The following TSPAN9 variants were observed in gnomAD, a reference collection of about 807,000 sequenced individuals.
TSPAN9 encodes tetraspanin-9.
TSPAN9 carries 16 observed loss-of-function variants against 31.0 expected under a neutral mutation model. The ratio of observed to expected loss-of-function variants is 0.52; its 90% CI spans 0.35 to 0.78. TSPAN9 has a LOEUF of 0.78. TSPAN9 is among the 30% of genes least tolerant of loss of function. The probability of loss-of-function intolerance (pLI) is 0.01; values close to 1 mark genes in which losing one functional copy is unlikely to be tolerated. For synonymous variants in TSPAN9, 145 were observed against 121.6 expected, an observed-to-expected ratio of 1.19 and a Z score of -1.27; for missense variants, 272 against 312.5, an observed-to-expected ratio of 0.87 and a Z score of 0.98.
chr12:3,167,275 G>A (rs578162580), intron 2 of TSPAN9, among the ~76,000 whole-genome samples: 1 of 152,344 alleles, frequency 6.6e-6, no homozygotes, highest in East Asian at 1.9e-4. Flanking sequence ...CTGATGGCCA[G>A]TGAAGATGAG....
At chr12:3,227,273 C>T (rs971155105) in intron 3 of TSPAN9, among the ~76,000 whole-genome samples, 1 of 152,212 alleles carries the variant, frequency 6.6e-6, no homozygotes, top group South Asian at 2.1e-4. Flanking sequence ...CAGAAGTCAT[C>T]GGCTGTACAT....
chr12:3,089,399 C>T (rs547220257), intron 2 of TSPAN9, among the ~76,000 whole-genome samples: 107 of 147,612 alleles, frequency 7.2e-4, no homozygotes, highest in East Asian at 3.2e-3. Context: ...CTAGTTCAAG[C>T]GATTCTCCTG....
chr12:3,180,255 A>C (rs186077184), intron 2 of TSPAN9, among the ~76,000 whole-genome samples: 19 of 152,286 alleles, frequency 1.2e-4, no homozygotes, highest in Admixed American at 3.3e-4. Context: ...AGTGGCTCAC[A>C]CTTGTAATCC....
chr12:3,111,051 A>G (rs1380262965), intron 2 of TSPAN9, among the ~76,000 whole-genome samples: 1 of 152,186 alleles, frequency 6.6e-6, no homozygotes, highest in East Asian at 1.9e-4. Flanking sequence ...AAGTGGTTGG[A>G]CCGGCTGCAT....
At chr12:3,197,164 C>T (rs2098367444) in intron 2 of TSPAN9, among the ~76,000 whole-genome samples, 1 of 152,220 alleles carries the variant, frequency 6.6e-6, no homozygotes, top group Non-Finnish European at 1.5e-5. Flanking sequence ...AGCAAACTGC[C>T]TTGCCCTTGA....
Position 3,268,276 on chromosome 12 carries a change from C to CTGTTCCTGCAGCCTGCCCCCTCTG in TSPAN9, c.64-10126_64-10103dup, listed in dbSNP as rs1401480512. Among the ~76,000 whole-genome samples the CTGTTCCTGCAGCCTGCCCCCTCTG allele has an allele frequency of 9.5e-5, 12 of 126,280 alleles. 1 individual carries two copies. The highest frequency in any genetic ancestry group is 1.6e-4 in the Admixed American group (2 of 12,630). The allele number at this position is 126,280 out of a possible 152,430, so 82.8% of individuals were successfully genotyped here. ...TGTGCATTCCTGCAGCCTGCCCTCT[C>CTGTTCCTGCAGCCTGCCCCCTCTG]TGTTCCTGCAGCCTGCCCCCTCTGT... On this transcript the variant is annotated intron_variant, in intron 3 of 8. Transcript: ENST00000011898.
intron 2 of TSPAN9, among the ~76,000 whole-genome samples, chr12:3,171,195 T>C (rs963982006): frequency 1.8e-4 from 28 of 152,282 alleles, no homozygotes; most frequent in African/African-American, 5.8e-4. Context: ...CTTATCCCTC[T>C]TTATTTTTCT....
chr12:3,130,929 G>A (rs926044818), intron 2 of TSPAN9, among the ~76,000 whole-genome samples: 37 of 152,206 alleles, frequency 2.4e-4, no homozygotes, highest in African/African-American at 7.5e-4. Context: ...GCCCACTCTC[G>A]GGAAGGGGTC....
chr12:3,117,714 A>G (rs1246868295), intron 2 of TSPAN9, among the ~76,000 whole-genome samples: 1 of 152,128 alleles, frequency 6.6e-6, no homozygotes, highest in South Asian at 2.1e-4. Context: ...GTGGTTAGTT[A>G]CTCATTCAGA....
chr12:3,101,510 G>A (rs1014359874), intron 2 of TSPAN9, among the ~76,000 whole-genome samples: 10 of 152,014 alleles, frequency 6.6e-5, no homozygotes, highest in African/African-American at 2.4e-4. Flanking sequence ...TCATCCTCTG[G>A]CAGCCTCCCA....
intron 3 of TSPAN9, among the ~76,000 whole-genome samples, chr12:3,218,920 G>C (rs547147916): frequency 1.3e-5 from 2 of 152,188 alleles, no homozygotes; most frequent in South Asian, 4.1e-4. Flanking sequence ...CCCCCAAAGA[G>C]AGGTCAGAGG....
At position 3,283,286 on chromosome 12, in the gene TSPAN9, GC is replaced by G; in HGVS notation, c.*172del. On this transcript the variant is annotated 3_prime_UTR_variant, in exon 9 of 9. Coordinates refer to ENST00000011898, the MANE Select transcript of TSPAN9 (RefSeq NM_006675.5). ...CCTCGGACTTCTCAGTGGGTGGAGT[GC>G]CAGGGAGGAGGAGGCACACGGAGAC... The G allele has an allele frequency of 1.5e-6, 1 of 656,004 alleles. No homozygotes were observed. The highest frequency in any genetic ancestry group is 2.5e-6 in the Non-Finnish European group (1 of 406,676). 40.6% of individuals were successfully genotyped at this position (656,004 alleles called of 1,614,324 possible). A position where few individuals can be genotyped will look rare whatever the true frequency, so the allele number is the denominator to read the frequency against.
chr12:3,228,076 T>C (rs1004019039), intron 3 of TSPAN9, among the ~76,000 whole-genome samples: 22 of 152,134 alleles, frequency 1.4e-4, no homozygotes, highest in African/African-American at 5.1e-4. Flanking sequence ...TGGCCGGATG[T>C]GGGGGCTCAT....
chr12:3,095,542 G>T (rs1314157765), intron 2 of TSPAN9, among the ~76,000 whole-genome samples: 1 of 127,750 alleles, frequency 7.8e-6, no homozygotes, highest in East Asian at 2.3e-4. Context: ...CGGCTGGCCG[G>T]GCAGAGGGGC....
chr12:3,277,328 C>T (rs746739411), intron 3 of TSPAN9, among the ~76,000 whole-genome samples: 1 of 152,192 alleles, frequency 6.6e-6, no homozygotes, highest in African/African-American at 2.4e-5. Context: ...TTAGGGACTG[C>T]CTCCTTCAAC....
At chr12:3,178,990 C>T (rs979483521) in intron 2 of TSPAN9, among the ~76,000 whole-genome samples, 11 of 152,194 alleles carry the variant, frequency 7.2e-5, no homozygotes, top group Middle Eastern at 3.4e-3. Context: ...CCTGGGAGGG[C>T]GGAGGAATGA....
intron 2 of TSPAN9, among the ~76,000 whole-genome samples, chr12:3,088,799 G>A (rs992549652): frequency 6.6e-6 from 1 of 152,132 alleles, no homozygotes. Context: ...CTTGGTTGGG[G>A]TGGGGACAGG....
intron 4 of TSPAN9, among the ~76,000 whole-genome samples, 169 bp downstream of exon 4, chr12:3,278,781 G>T (rs114391014): frequency 6.6e-6 from 1 of 152,172 alleles, no homozygotes; most frequent in Non-Finnish European, 1.5e-5. Flanking sequence ...CTCATGGTTG[G>T]TTATGCCTAC....
In TSPAN9 at chr12:3,220,988, C is replaced by T. The variant is rs903327755; in HGVS notation, c.63+19732C>T. Among the ~76,000 whole-genome samples, 14 of 152,122 alleles carry T rather than the reference C, an allele frequency of 9.2e-5. No individual in the cohort carries two copies. The East Asian group carries it at 1.2e-3, about 13-fold the overall frequency. On this transcript the variant is annotated intron_variant, in intron 3 of 8. Transcript: ENST00000011898. Reference sequence around the variant, plus strand: ...ATATTTCCAGTCTCCTTTTATGGCTCGGTGACTGGAGAGCCCTGGAGACTC... The same window carrying T: ...ATATTTCCAGTCTCCTTTTATGGCTTGGTGACTGGAGAGCCCTGGAGACTC...
Sources: allele counts gnomAD v4.1 joint callset (sites outside exome capture counted in the v4.1 genomes callset), GRCh38; gene constraint gnomAD v4.1.1; transcripts MANE v1.5; gene names NCBI Gene and HGNC (gene_info 2026-07-23, HGNC 2026-07-21).